Variants in CPED1 observed in about 807,000 individuals in gnomAD.
CPED1 encodes the protein cadherin like and PC-esterase domain containing 1, also known as cadherin-like and PC-esterase domain-containing protein 1.
In CPED1, 114 loss-of-function variants were observed where a neutral mutation model predicts 128.2. The observed-to-expected ratio is 0.89, with a 90% confidence interval of 0.76 to 1.04. The LOEUF (loss-of-function observed/expected upper bound fraction) is 1.04, where lower values mean the gene tolerates loss of function less well. Among genes scored for constraint, CPED1 ranks in the 50% least tolerant of loss-of-function variants. The pLI is 0.00. For missense variants in CPED1, 1,211 were observed against 1,207.1 expected (o/e 1.00, Z -0.05); for synonymous variants, 462 against 426.7 (o/e 1.08, Z -1.02).
intron 4 of CPED1, among the ~76,000 whole-genome samples, chr7:121,058,821 AT>A (rs1179096597): frequency 6.6e-6 from 1 of 152,226 alleles, no homozygotes; most frequent in Non-Finnish European, 1.5e-5. Flanking sequence ...TGTAAACAAC[AT>A]AGATATTCAC....
At chr7:121,130,645 G>A (rs1238509448) in intron 12 of CPED1, among the ~76,000 whole-genome samples, 1 of 152,052 alleles carries the variant, frequency 6.6e-6, no homozygotes, top group Non-Finnish European at 1.5e-5. Flanking sequence ...TGAACCATCA[G>A]TCAGAGTGGC....
chr7:121,060,349 T>G (rs1297038956), intron 4 of CPED1, among the ~76,000 whole-genome samples: 2 of 152,236 alleles, frequency 1.3e-5, no homozygotes, highest in Non-Finnish European at 2.9e-5. Context: ...GGCAGGCAGC[T>G]CCACCTGCAG....
At chr7:121,275,601 C>A (rs928593371) in intron 22 of CPED1, among the ~76,000 whole-genome samples, 1 of 152,016 alleles carries the variant, frequency 6.6e-6, no homozygotes, top group African/African-American at 2.4e-5. Context: ...TTATGCAGAC[C>A]TTATATAATA....
chr7:121,011,442 T>G (rs1792161898), intron 2 of CPED1, among the ~76,000 whole-genome samples: 1 of 152,230 alleles, frequency 6.6e-6, no homozygotes, highest in African/African-American at 2.4e-5. Context: ...GAAATAAATT[T>G]GTTAATACAA....
intron 16 of CPED1, among the ~76,000 whole-genome samples, chr7:121,186,667 T>C (rs1432579469): frequency 6.6e-6 from 1 of 152,172 alleles, no homozygotes; most frequent in African/African-American, 2.4e-5. Context: ...TTATGCATCC[T>C]GTAAATTTGC....
chr7:121,016,583 T>C (rs960403259), intron 3 of CPED1, among the ~76,000 whole-genome samples: 1 of 152,336 alleles, frequency 6.6e-6, no homozygotes, highest in African/African-American at 2.4e-5. Context: ...CCTTACTGGC[T>C]GAAGTGACTC....
chr7:121,264,141 A>G (rs1459184107), intron 18 of CPED1, among the ~76,000 whole-genome samples: 1 of 152,086 alleles, frequency 6.6e-6, no homozygotes, highest in Non-Finnish European at 1.5e-5. Context: ...AGGGCCTTGG[A>G]AGGAACCAAC....
At chr7:121,115,201 A>G (rs1795207055) in intron 7 of CPED1, among the ~76,000 whole-genome samples, 2 of 152,248 alleles carry the variant, frequency 1.3e-5, no homozygotes, top group Non-Finnish European at 2.9e-5. Context: ...ATCTAGCATT[A>G]TATTTGACCA....
At chr7:121,264,903 G>A (rs1792091609) in intron 18 of CPED1, among the ~76,000 whole-genome samples, 1 of 152,014 alleles carries the variant, frequency 6.6e-6, no homozygotes, top group South Asian at 2.1e-4. Flanking sequence ...AATTGACCCT[G>A]ACCTCAAATA....
At chr7:121,242,296 TCTA>T (rs1338562363) in intron 17 of CPED1, among the ~76,000 whole-genome samples, 5 of 152,222 alleles carry the variant, frequency 3.3e-5, no homozygotes, top group Non-Finnish European at 7.3e-5. Context: ...AAATCCTAGT[TCTA>T]CTACTTACTA....
At chr7:121,148,994 G>T (rs1265422796) in intron 16 of CPED1, among the ~76,000 whole-genome samples, 1 of 152,156 alleles carries the variant, frequency 6.6e-6, no homozygotes, top group Admixed American at 6.5e-5. Flanking sequence ...CTGTTTCACG[G>T]TAAGAGATCT....
intron 4 of CPED1, among the ~76,000 whole-genome samples, chr7:121,058,417 G>A (rs1358880951): frequency 6.6e-6 from 1 of 152,148 alleles, no homozygotes; most frequent in African/African-American, 2.4e-5. Flanking sequence ...GTGAGCTGTG[G>A]CTAGATCCTG....
intron 5 of CPED1, among the ~76,000 whole-genome samples, chr7:121,067,059 G>A (rs995837519): frequency 6.6e-6 from 1 of 151,954 alleles, no homozygotes; most frequent in Non-Finnish European, 1.5e-5. Context: ...TGGCTGGGGG[G>A]CACAGGGGGT....
At chr7:121,051,368 G>C (rs1793348460) in intron 4 of CPED1, 1 of 332,982 alleles carries the variant, frequency 3.0e-6, no homozygotes, top group Non-Finnish European at 5.3e-6. Flanking sequence ...AAATGTAAAT[G>C]CCTTTTTTTT....
rs33990520 is a variant in CPED1 at position 121,099,908 on chromosome 7, GTTT to G, written c.750-5_750-3del. ...CCCTACATTATGGAGCGCTAACTAT[GTTT>G]TTTTTTTTTTTTAGGAATGAAACGA... On this transcript the variant is annotated splice_polypyrimidine_tract_variant and intron_variant, in intron 6 of 22. Transcript: ENST00000310396. 11,237 of 1,464,776 alleles carry G rather than the reference GTTT, an allele frequency of 7.7e-3. No individual in the cohort carries two copies. The highest frequency in any genetic ancestry group is 0.013 in the Admixed American group (674 of 51,296). 90.7% of individuals were successfully genotyped at this position (1,464,776 alleles called of 1,614,324 possible).
At chr7:121,143,698 T>C (rs529628163) in intron 16 of CPED1, among the ~76,000 whole-genome samples, 2 of 151,998 alleles carry the variant, frequency 1.3e-5, no homozygotes, top group African/African-American at 4.8e-5. Flanking sequence ...TGGTGGAGCA[T>C]TTTTTTCATA....
intron 10 of CPED1, 66 bp from the exon 11 acceptor site, chr7:121,128,316 G>T (rs1795557550): frequency 1.2e-6 from 1 of 812,022 alleles, no homozygotes; most frequent in Non-Finnish European, 2.1e-6. Flanking sequence ...GAAATGGGAG[G>T]TAATTGGGTT....
Position 121,244,236 on chromosome 7 carries a change from C to T in CPED1, c.2208C>T (p.Asp736=), listed in dbSNP as rs370864738. The part of the protein sequence containing the change: ...QWIVPCLSCS[D]NRTCDWREIT... ...TTGTGCCTTGCCTTAGTTGTTCGGACAACAGGACGTGTGACTGGAGAGAAA... is the reference window on the plus strand; with the variant it reads ...TTGTGCCTTGCCTTAGTTGTTCGGATAACAGGACGTGTGACTGGAGAGAAA... The change falls in exon 18 of 23, where the codon GAC becomes GAT. Residue 736 remains aspartate, a synonymous_variant. Transcript: ENST00000310396. 3 of 1,614,000 alleles carry T rather than the reference C, an allele frequency of 1.9e-6. No individual in the cohort carries two copies. Among genetic ancestry groups the T allele is most frequent in the African/African-American group, 2.7e-5 (2 of 74,922 alleles).
At chr7:121,039,754 G>A (rs1792999437) in intron 3 of CPED1, among the ~76,000 whole-genome samples, 1 of 151,870 alleles carries the variant, frequency 6.6e-6, no homozygotes, top group Admixed American at 6.6e-5. Flanking sequence ...AACTAGGAGG[G>A]AACTTTAGCA....
Sources: allele counts gnomAD v4.1 joint callset (sites outside exome capture counted in the v4.1 genomes callset), GRCh38; gene constraint gnomAD v4.1.1; transcripts MANE v1.5; gene names NCBI Gene and HGNC (gene_info 2026-07-23, HGNC 2026-07-21).